Variants in RSF1 observed in about 807,000 individuals in gnomAD.
The protein encoded by RSF1 is remodeling and spacing factor 1, also known as HBV pX-associated protein 8.
RSF1 carries 13 observed loss-of-function variants against 145.2 expected under a neutral mutation model. The ratio of observed to expected loss-of-function variants is 0.09; its 90% CI spans 0.06 to 0.14. The LOEUF (loss-of-function observed/expected upper bound fraction) is 0.14. Ranked by LOEUF, RSF1 falls within the 10% of genes least tolerant of loss-of-function variation. The pLI is 1.00. For synonymous variants in RSF1, 577 were observed against 592.6 expected, an observed-to-expected ratio of 0.97 and a Z score of 0.38; for missense variants, 1,517 against 1,718.2, an observed-to-expected ratio of 0.88 and a Z score of 2.07.
intron 2 of RSF1, among the ~76,000 whole-genome samples, chr11:77,757,110 G>A (rs1305164443): frequency 6.6e-6 from 1 of 152,172 alleles, no homozygotes; most frequent in Non-Finnish European, 1.5e-5. Context: ...GGTTTTAGTG[G>A]ATAAGGAGGT....
At chr11:77,787,343 A>G (rs1445482853) in intron 1 of RSF1, among the ~76,000 whole-genome samples, 4 of 152,204 alleles carry the variant, frequency 2.6e-5, no homozygotes, top group African/African-American at 9.7e-5. Context: ...ATAGCCCAAG[A>G]ACTAAGAATG....
the RSF1 span, among the ~76,000 whole-genome samples, chr11:77,832,947 ATATATGTGTGTGTG>A: frequency 3.6e-5 from 3 of 83,698 alleles, no homozygotes; most frequent in Admixed American, 1.2e-4. Context: ...TATTGTATAT[ATATATGTGTGTGTG>A]TGTGTGTGTG....
the RSF1 span, among the ~76,000 whole-genome samples, chr11:77,844,329 CA>C: frequency 3.9e-5 from 6 of 152,048 alleles, no homozygotes; most frequent in African/African-American, 1.4e-4. Flanking sequence ...ATATTAAGTC[CA>C]TTGCAGCAAA....
At chr11:77,713,468 G>A (rs1016671819) in intron 5 of RSF1, among the ~76,000 whole-genome samples, 1 of 152,092 alleles carries the variant, frequency 6.6e-6, no homozygotes, top group Non-Finnish European at 1.5e-5. Context: ...GTCTGGATAC[G>A]CAAGGTATTT....
chr11:77,842,423 A>G, the RSF1 span: 1 of 1,523,878 alleles, frequency 6.6e-7, no homozygotes, highest in Non-Finnish European at 8.9e-7. Flanking sequence ...CTGTATTTTC[A>G]AACTGTTTCA....
chr11:77,864,751 G>A, the RSF1 span, among the ~76,000 whole-genome samples: 1,168 of 152,250 alleles, frequency 7.7e-3, 13 homozygotes, highest in African/African-American at 0.026. Context: ...GACCAAGATG[G>A]GAGGATTGTT....
Position 77,667,376 on chromosome 11 carries a change from C to T in RSF1, c.3867G>A (p.Glu1289=), listed in dbSNP as rs746329540. The T allele has an allele frequency of 1.1e-5, 17 of 1,605,874 alleles. No homozygotes were observed. The South Asian group carries it at 1.8e-4, about 17-fold the overall frequency. ...TGCGGGATGGTTTGCCTTCCTCTTCCTCCTCCTCCTCATCTGCTTCTGAAT... is the reference window on the plus strand; with the variant it reads ...TGCGGGATGGTTTGCCTTCCTCTTCTTCCTCCTCCTCATCTGCTTCTGAAT... ...DEYSEADEEE[E]EEEGKPSRKR... Residue 1289 remains glutamate, a synonymous_variant, in exon 16 of 16, where the codon GAG becomes GAA. Transcript: ENST00000308488.
At chr11:77,775,562 T>TA (rs1352483889) in intron 1 of RSF1, among the ~76,000 whole-genome samples, 4 of 152,208 alleles carry the variant, frequency 2.6e-5, no homozygotes, top group Non-Finnish European at 5.9e-5. Context: ...AAGAAATACT[T>TA]ACACAGGCAT....
chr11:77,779,742 C>A (rs1393294149), intron 1 of RSF1, among the ~76,000 whole-genome samples: 1 of 152,168 alleles, frequency 6.6e-6, no homozygotes, highest in Non-Finnish European at 1.5e-5. Flanking sequence ...AAGATTTGTT[C>A]AGGTAACAGA....
At chr11:77,745,257 T>C (rs1565167795) in intron 3 of RSF1, among the ~76,000 whole-genome samples, 1 of 152,148 alleles carries the variant, frequency 6.6e-6, no homozygotes, top group Non-Finnish European at 1.5e-5. Flanking sequence ...TGTTTTTTTC[T>C]AGTCTCTATT....
intron 1 of RSF1, among the ~76,000 whole-genome samples, chr11:77,785,957 A>AT (rs1948452539): frequency 7.1e-6 from 1 of 141,818 alleles, no homozygotes; most frequent in African/African-American, 2.7e-5. Flanking sequence ...AAAAAAAAGA[A>AT]TTATACGTAG....
chr11:77,677,028 G>A (rs1959726157), intron 12 of RSF1, 29 bp from the exon 13 acceptor site: 1 of 1,547,352 alleles, frequency 6.5e-7, no homozygotes, highest in African/African-American at 1.4e-5. Context: ...AGTTCGGGGA[G>A]AGAAAAATAT....
intron 1 of RSF1, among the ~76,000 whole-genome samples, chr11:77,768,402 C>T (rs575280327): frequency 1.3e-5 from 2 of 152,220 alleles, no homozygotes; most frequent in South Asian, 4.2e-4. Context: ...ACCTCATGAT[C>T]TCCCGCCTCG....
chr11:77,745,176 G>A (rs1947986433), intron 3 of RSF1, among the ~76,000 whole-genome samples: 1 of 151,796 alleles, frequency 6.6e-6, no homozygotes, highest in African/African-American at 2.4e-5. Context: ...CTCTTTCTTA[G>A]CCTAGCTAAA....
At chr11:77,752,745 A>C (rs1948076674) in intron 2 of RSF1, among the ~76,000 whole-genome samples, 1 of 152,180 alleles carries the variant, frequency 6.6e-6, no homozygotes, top group Non-Finnish European at 1.5e-5. Flanking sequence ...ATAGGGGCTG[A>C]GTAACATAAG....
chr11:77,722,070 C>T (rs1265773963), intron 5 of RSF1, among the ~76,000 whole-genome samples: 3 of 152,130 alleles, frequency 2.0e-5, no homozygotes, highest in South Asian at 2.1e-4. Flanking sequence ...GTCCCAGCCA[C>T]TCAGGAGGCT....
At chr11:77,829,201 TTCACA>T in the RSF1 span, among the ~76,000 whole-genome samples, 60,649 of 151,572 alleles carry the variant, frequency 0.4, 12,691 homozygotes, top group African/African-American at 0.52. Flanking sequence ...GCTCTTTCTC[TTCACA>T]TGCATATGCC....
At chr11:77,795,860 GTTAGCAGGCTA>G (rs746267703) in intron 1 of RSF1, among the ~76,000 whole-genome samples, 29 of 152,134 alleles carry the variant, frequency 1.9e-4, no homozygotes, top group Non-Finnish European at 3.5e-4. Context: ...ACTTTTTTTG[GTTAGCAGGCTA>G]TTAATCACTG....
intron 1 of RSF1, among the ~76,000 whole-genome samples, chr11:77,805,190 G>C (rs61576111): frequency 0.14 from 21,517 of 152,048 alleles, 1,730 homozygotes; most frequent in Admixed American, 0.2. Flanking sequence ...AGAATGTCTT[G>C]GCAGGGCACA....
Sources: allele counts gnomAD v4.1 joint callset (sites outside exome capture counted in the v4.1 genomes callset), GRCh38; gene constraint gnomAD v4.1.1; transcripts MANE v1.5; gene names NCBI Gene and HGNC (gene_info 2026-07-23, HGNC 2026-07-21).